The following PDE10A variants were observed in gnomAD, a reference collection of about 807,000 sequenced individuals.
PDE10A encodes the protein cAMP and cAMP-inhibited cGMP 3',5'-cyclic phosphodiesterase 10A.
Under a neutral mutation model 97.7 loss-of-function variants are expected in PDE10A, and 39 were observed. The observed-to-expected ratio is 0.40, with a 90% CI of 0.31 to 0.52. The LOEUF (loss-of-function observed/expected upper bound fraction) is 0.52, where lower values mean the gene tolerates loss of function less well. PDE10A is among the 20% of genes least tolerant of loss of function. The pLI, the probability that PDE10A is intolerant of heterozygous loss-of-function variation, is 0.56. For missense variants in PDE10A, 731 were observed against 1,047.8 expected, an observed-to-expected ratio of 0.70 and a Z score of 4.17; for synonymous variants, 371 against 376.8, an observed-to-expected ratio of 0.98 and a Z score of 0.18.
intron 1 of PDE10A, among the ~76,000 whole-genome samples, chr6:165,766,523 T>C (rs1777854724): frequency 6.6e-6 from 1 of 152,242 alleles, no homozygotes; most frequent in African/African-American, 2.4e-5. Flanking sequence ...ATCTGAAGCC[T>C]TTTACAAATT....
chr6:165,336,086 G>T, intron 21 of PDE10A, 37 bp downstream of exon 21: 4 of 1,456,028 alleles, frequency 2.7e-6, no homozygotes, highest in Non-Finnish European at 3.9e-6. Flanking sequence ...AGTGTTGTTG[G>T]AAACAATATT....
At position 165,612,120 on chromosome 6, in the gene PDE10A, T is replaced by C. The variant is rs1262543599; in HGVS notation, c.865+49827A>G. 1.3e-5 allele frequency among the ~76,000 whole-genome samples: 2 copies of C among 152,226 alleles called. 1 individual carries two copies. Among genetic ancestry groups the C allele is most frequent in the South Asian group, 4.1e-4 (2 of 4,838 alleles). Reference sequence around the variant, plus strand: ...TCTACAGAAGCCCATCCATGCTAAATTGACTTTCATAAATGTTATCTAGAC... The same window carrying C: ...TCTACAGAAGCCCATCCATGCTAAACTGACTTTCATAAATGTTATCTAGAC... On this transcript the variant is annotated intron_variant, in intron 1 of 21. Coordinates refer to ENST00000539869, the MANE Select transcript of PDE10A (RefSeq NM_001385079.1).
chr6:165,518,722 G>GT (rs1299655198), intron 2 of PDE10A, among the ~76,000 whole-genome samples: 14 of 152,290 alleles, frequency 9.2e-5, no homozygotes, highest in African/African-American at 3.1e-4. Flanking sequence ...AAGATCAGCA[G>GT]TAAGAACAAA....
intron 1 of PDE10A, among the ~76,000 whole-genome samples, chr6:165,657,283 A>G (rs947840690): frequency 6.6e-6 from 1 of 152,236 alleles, no homozygotes; most frequent in African/African-American, 2.4e-5. Context: ...TCCTTGCAAG[A>G]TTATGAGTTC....
intron 1 of PDE10A, among the ~76,000 whole-genome samples, chr6:165,574,948 T>C (rs968184827): frequency 6.6e-6 from 1 of 152,180 alleles, no homozygotes; most frequent in Non-Finnish European, 1.5e-5. Flanking sequence ...AGAAAAATTA[T>C]TTACTCCCTC....
chr6:165,568,588 G>C (rs1012882009), intron 1 of PDE10A, among the ~76,000 whole-genome samples: 18 of 152,078 alleles, frequency 1.2e-4, no homozygotes, highest in African/African-American at 4.3e-4. Flanking sequence ...TTGCTTATCA[G>C]ATCAACTGTC....
intron 1 of PDE10A, among the ~76,000 whole-genome samples, chr6:165,955,318 C>T (rs893669968): frequency 9.2e-5 from 14 of 152,316 alleles, no homozygotes; most frequent in African/African-American, 1.7e-4. Flanking sequence ...CATTATCTCT[C>T]ACTTGGATCT....
intron 1 of PDE10A, among the ~76,000 whole-genome samples, chr6:165,555,122 CTA>C (rs1044536497): frequency 4.6e-5 from 7 of 151,988 alleles, no homozygotes; most frequent in African/African-American, 1.7e-4. Flanking sequence ...ATTAGGGTGA[CTA>C]TAGTCAATAA....
intron 1 of PDE10A, among the ~76,000 whole-genome samples, chr6:165,703,969 G>T (rs577926354): frequency 6.6e-6 from 1 of 152,344 alleles, no homozygotes; most frequent in Non-Finnish European, 1.5e-5. Flanking sequence ...CATGGAAAGT[G>T]CAGCTTCCAG....
intron 1 of PDE10A, among the ~76,000 whole-genome samples, chr6:165,625,388 T>A (rs1388593636): frequency 6.6e-6 from 1 of 152,182 alleles, no homozygotes; most frequent in Non-Finnish European, 1.5e-5. Flanking sequence ...TGGTGAGGTG[T>A]GATACTAAGA....
chr6:165,760,939 A>G (rs1283379125), intron 1 of PDE10A, among the ~76,000 whole-genome samples: 1 of 152,192 alleles, frequency 6.6e-6, no homozygotes, highest in African/African-American at 2.4e-5. Context: ...TGAAAGTGGA[A>G]GAAGGTAATA....
chr6:165,900,611 C>G (rs1421992311), intron 1 of PDE10A, among the ~76,000 whole-genome samples: 1 of 152,010 alleles, frequency 6.6e-6, no homozygotes, highest in African/African-American at 2.4e-5. Context: ...GTATATACAC[C>G]TAGTTGTAAA....
In PDE10A at chr6:165,693,872, G is replaced by T. The variant is rs1582943492; in HGVS notation, c.-614-150304C>A. 1.3e-5 allele frequency among the ~76,000 whole-genome samples: 2 copies of T among 152,248 alleles called. 1 individual carries two copies. Among genetic ancestry groups the T allele is most frequent in the South Asian group, 4.2e-4 (2 of 4,818 alleles). ...TGAAACAGTTCTCAGGCTTCAAATA[G>T]TACCTGGTGTTCCCATAAATGCTCA... On this transcript the variant is annotated intron_variant, in intron 1 of 19. Coordinates refer to the PDE10A transcript ENST00000366882.
chr6:165,777,292 G>A (rs930229920), intron 1 of PDE10A, among the ~76,000 whole-genome samples: 1 of 152,220 alleles, frequency 6.6e-6, no homozygotes. Flanking sequence ...GTGGCTTTGA[G>A]GGAGAACAGA....
chr6:165,830,036 C>A (rs140838230), intron 1 of PDE10A, among the ~76,000 whole-genome samples: 2 of 152,302 alleles, frequency 1.3e-5, no homozygotes, highest in Non-Finnish European at 2.9e-5. Context: ...GATAACCCCT[C>A]AAATATTCTG....
chr6:165,456,758 G>T (rs757119636), intron 3 of PDE10A, among the ~76,000 whole-genome samples: 1 of 152,084 alleles, frequency 6.6e-6, no homozygotes, highest in Non-Finnish European at 1.5e-5. Flanking sequence ...TTTATATTAA[G>T]CTTCAAATTC....
At chr6:165,950,008 G>T (rs566288814) in intron 1 of PDE10A, 2 of 152,110 alleles carry the variant, frequency 1.3e-5, no homozygotes, top group South Asian at 4.1e-4. Context: ...GATGCAAGAG[G>T]CATCTTTTAA....
intron 1 of PDE10A, among the ~76,000 whole-genome samples, chr6:165,954,596 G>T (rs1784072885): frequency 1.3e-5 from 2 of 152,236 alleles, no homozygotes; most frequent in South Asian, 4.2e-4. Context: ...GTCATCAAAG[G>T]CACAGGGTCT....
At chr6:165,746,225 A>G (rs1388093832) in intron 1 of PDE10A, among the ~76,000 whole-genome samples, 2 of 152,216 alleles carry the variant, frequency 1.3e-5, no homozygotes, top group African/African-American at 2.4e-5. Flanking sequence ...GCACCAAAAA[A>G]ATACCAAAAA....
Sources: gnomAD v4.1 joint callset for allele counts (sites outside exome capture counted in the v4.1 genomes callset) on GRCh38, gnomAD v4.1.1 for gene constraint, MANE v1.5 for transcripts, NCBI Gene and HGNC (gene_info 2026-07-23, HGNC 2026-07-21) for gene names.